The following ARHGAP15 variants were observed in gnomAD, a reference collection of about 807,000 sequenced individuals.
The protein encoded by ARHGAP15 is rho GTPase-activating protein 15.
In ARHGAP15, 51 loss-of-function variants were observed where a neutral mutation model predicts 63.7. That is an observed-to-expected ratio of 0.80 (90% CI 0.64 to 1.01). ARHGAP15 has a LOEUF of 1.01. ARHGAP15 is among the 50% of genes least tolerant of loss of function. The pLI, the probability that ARHGAP15 is intolerant of heterozygous loss-of-function variation, is 0.00. For synonymous variants in ARHGAP15, 191 were observed against 193.8 expected (o/e 0.99, Z 0.12); for missense variants, 560 against 564.6 (o/e 0.99, Z 0.08).
intron 11 of ARHGAP15, among the ~76,000 whole-genome samples, chr2:143,613,139 G>T (rs1698322346): frequency 6.8e-6 from 1 of 146,750 alleles, no homozygotes; most frequent in East Asian, 2.3e-4. Flanking sequence ...ATCAAAGAAA[G>T]ATTGCAAAAG....
At chr2:143,739,603 T>C (rs1685882443) in intron 13 of ARHGAP15, among the ~76,000 whole-genome samples, 1 of 152,166 alleles carries the variant, frequency 6.6e-6, no homozygotes, top group African/African-American at 2.4e-5. Flanking sequence ...CAGAAAGGGT[T>C]GATATTTTCT....
chr2:143,258,470 A>G (rs1324326498), intron 6 of ARHGAP15, among the ~76,000 whole-genome samples: 1 of 152,178 alleles, frequency 6.6e-6, no homozygotes, highest in Non-Finnish European at 1.5e-5. Context: ...TGGAAAGGCC[A>G]CTTATGGCAT....
intron 13 of ARHGAP15, among the ~76,000 whole-genome samples, chr2:143,727,332 TAC>T (rs1332966427): frequency 6.6e-6 from 1 of 152,166 alleles, no homozygotes; most frequent in Non-Finnish European, 1.5e-5. Flanking sequence ...GTTTTATAGA[TAC>T]AGTCAATCCT....
At chr2:143,444,384 TA>T in intron 8 of ARHGAP15, among the ~76,000 whole-genome samples, 1 of 152,346 alleles carries the variant, frequency 6.6e-6, no homozygotes, top group East Asian at 1.9e-4. Context: ...TGTTTTCTTA[TA>T]AAGTTAGGCA....
intron 11 of ARHGAP15, among the ~76,000 whole-genome samples, chr2:143,563,673 A>G (rs997536678): frequency 6.6e-6 from 1 of 152,058 alleles, no homozygotes; most frequent in African/African-American, 2.4e-5. Flanking sequence ...CCCAAGAAAA[A>G]CCCCTAAGAT....
At chr2:143,249,465 G>A (rs1215285014) in intron 5 of ARHGAP15, among the ~76,000 whole-genome samples, 1 of 151,972 alleles carries the variant, frequency 6.6e-6, no homozygotes. Context: ...TTATCCTAAT[G>A]TTCATAATGT....
intron 12 of ARHGAP15, among the ~76,000 whole-genome samples, chr2:143,669,918 G>C (rs758242582): frequency 3.9e-5 from 6 of 152,170 alleles, no homozygotes; most frequent in Non-Finnish European, 8.8e-5. Flanking sequence ...TGGAAGTCCA[G>C]TGTATCATGC....
chr2:143,389,988 C>G (rs1272653189), intron 6 of ARHGAP15, among the ~76,000 whole-genome samples: 1 of 145,934 alleles, frequency 6.9e-6, no homozygotes, highest in Non-Finnish European at 1.5e-5. Context: ...ACAGGGAGCT[C>G]AGATGAACCA....
chr2:143,648,003 G>C (rs116585943), intron 12 of ARHGAP15, among the ~76,000 whole-genome samples: 1 of 151,826 alleles, frequency 6.6e-6, no homozygotes, highest in Non-Finnish European at 1.5e-5. Context: ...ATTAATCCTC[G>C]GAATATTAGT....
intron 2 of ARHGAP15, among the ~76,000 whole-genome samples, chr2:143,194,394 A>G (rs1558805880): frequency 6.6e-6 from 1 of 152,218 alleles, no homozygotes; most frequent in Non-Finnish European, 1.5e-5. Flanking sequence ...AAGTTATTTT[A>G]TCTGCTAATG....
At chr2:143,227,625 C>T (rs916582219) in intron 4 of ARHGAP15, among the ~76,000 whole-genome samples, 2 of 152,118 alleles carry the variant, frequency 1.3e-5, no homozygotes, top group African/African-American at 2.4e-5. Context: ...TAGCACAGCA[C>T]GGTTATAAAC....
intron 9 of ARHGAP15, among the ~76,000 whole-genome samples, chr2:143,509,330 A>G (rs1693469383): frequency 7.4e-6 from 1 of 135,550 alleles, no homozygotes; most frequent in African/African-American, 2.6e-5. Context: ...CTTGCCTCTT[A>G]TGAAAAAAAA....
intron 2 of ARHGAP15, among the ~76,000 whole-genome samples, chr2:143,177,438 G>T (rs1691052040): frequency 6.7e-6 from 1 of 149,974 alleles, no homozygotes; most frequent in Non-Finnish European, 1.5e-5. Context: ...TTACATTCAG[G>T]TCAGACAACA....
intron 2 of ARHGAP15, among the ~76,000 whole-genome samples, chr2:143,178,099 T>C (rs1259619273): frequency 6.6e-6 from 1 of 152,178 alleles, no homozygotes; most frequent in Non-Finnish European, 1.5e-5. Flanking sequence ...TGAAATGTGA[T>C]ATCCAACAAA....
chr2:143,171,869 G>A (rs1025972897), intron 2 of ARHGAP15: 1 of 151,912 alleles, frequency 6.6e-6, no homozygotes, highest in East Asian at 1.9e-4. Flanking sequence ...CTTTTTAAAT[G>A]TTTGTATAAC....
At chr2:143,566,651 G>A (rs1696236497) in intron 11 of ARHGAP15, among the ~76,000 whole-genome samples, 1 of 152,022 alleles carries the variant, frequency 6.6e-6, no homozygotes, top group Admixed American at 6.5e-5. Flanking sequence ...TTCTTTCTCA[G>A]ATTCATCAAG....
intron 5 of ARHGAP15, chr2:143,237,789 T>G (rs1019295525): frequency 8.5e-5 from 13 of 152,138 alleles, no homozygotes; most frequent in African/African-American, 3.1e-4. Flanking sequence ...GGGAATATTT[T>G]CCCCCTAAAA....
chr2:143,290,621 G>A (rs1682346932), intron 6 of ARHGAP15, among the ~76,000 whole-genome samples: 1 of 151,988 alleles, frequency 6.6e-6, no homozygotes, highest in South Asian at 2.1e-4. Context: ...CCAATCAAAT[G>A]CACCTGAGAA....
chr2:143,670,993 A>G (rs1361444087), intron 12 of ARHGAP15, among the ~76,000 whole-genome samples: 2 of 152,166 alleles, frequency 1.3e-5, no homozygotes, highest in East Asian at 3.9e-4. Context: ...TCTGGCTTTC[A>G]TTACACTACA....
Sources: allele counts gnomAD v4.1 joint callset (sites outside exome capture counted in the v4.1 genomes callset), GRCh38; gene constraint gnomAD v4.1.1; transcripts MANE v1.5; gene names NCBI Gene and HGNC (gene_info 2026-07-23, HGNC 2026-07-21).